The following ESR1 variants were observed in gnomAD, a reference collection of about 807,000 sequenced individuals.
The protein encoded by ESR1 is estrogen receptor.
A neutral mutation model predicts 52.7 loss-of-function variants in ESR1; 12 were observed. That is an observed-to-expected ratio of 0.23 (90% CI 0.15 to 0.37). ESR1 has a LOEUF of 0.37. Among genes scored for constraint, ESR1 ranks in the 10% least tolerant of loss-of-function variants. ESR1 has a pLI of 1.00. For synonymous variants in ESR1, 305 were observed against 316.8 expected, an observed-to-expected ratio of 0.96 and a Z score of 0.39; for missense variants, 584 against 779.7, an observed-to-expected ratio of 0.75 and a Z score of 2.99.
chr6:151,943,518 C>T (rs533649003), intron 3 of ESR1, among the ~76,000 whole-genome samples: 2 of 151,996 alleles, frequency 1.3e-5, no homozygotes, highest in South Asian at 2.1e-4. Flanking sequence ...GCTTAAAATC[C>T]AGTAAATGAC....
At chr6:151,774,442 C>T (rs1179463005) in intron 2 of ESR1, among the ~76,000 whole-genome samples, 1 of 152,232 alleles carries the variant, frequency 6.6e-6, no homozygotes, top group Non-Finnish European at 1.5e-5. Flanking sequence ...GAACAGGTAA[C>T]AGTTTCTGGA....
intron 2 of ESR1, among the ~76,000 whole-genome samples, chr6:151,760,644 C>T (rs1784596131): frequency 1.3e-5 from 2 of 152,184 alleles, no homozygotes; most frequent in Admixed American, 6.5e-5. Context: ...CCTTAATGCT[C>T]TCTGGTAAGA....
chr6:151,878,447 G>C (rs557991958), intron 2 of ESR1, among the ~76,000 whole-genome samples: 2 of 152,142 alleles, frequency 1.3e-5, no homozygotes, highest in Non-Finnish European at 2.9e-5. Flanking sequence ...TCTGAAGCCC[G>C]TGTATACAGT....
intron 3 of ESR1, among the ~76,000 whole-genome samples, chr6:151,938,584 C>T (rs952848373): frequency 5.3e-5 from 8 of 152,094 alleles, no homozygotes; most frequent in East Asian, 1.9e-4. Flanking sequence ...AAGTCCAGGC[C>T]GACTTTGAAG....
intron 1 of ESR1, among the ~76,000 whole-genome samples, chr6:151,663,721 A>G (rs371668371): frequency 6.6e-6 from 1 of 152,098 alleles, no homozygotes; most frequent in East Asian, 1.9e-4. Flanking sequence ...TGGAGGAAAA[A>G]CCTTATACAT....
At chr6:151,683,160 A>T (rs116696006) in intron 1 of ESR1, among the ~76,000 whole-genome samples, 1 of 152,020 alleles carries the variant, frequency 6.6e-6, no homozygotes, top group Middle Eastern at 3.2e-3. Context: ...TTTGTTTTCT[A>T]TGTTTTATCT....
At chr6:151,826,624 C>T (rs905399130) in intron 1 of ESR1, among the ~76,000 whole-genome samples, 3 of 152,190 alleles carry the variant, frequency 2.0e-5, no homozygotes, top group Admixed American at 1.3e-4. Context: ...AGTTTGGCAG[C>T]CTGGTTTACA....
At chr6:152,120,445 C>T (rs897013528) in intron 6 of ESR1, among the ~76,000 whole-genome samples, 5 of 151,966 alleles carry the variant, frequency 3.3e-5, no homozygotes, top group Admixed American at 2.0e-4. Context: ...TAACAGTGGG[C>T]GGGGGGCGAT....
intron 3 of ESR1, among the ~76,000 whole-genome samples, chr6:151,886,052 T>C (rs931364676): frequency 6.6e-6 from 1 of 152,068 alleles, no homozygotes; most frequent in African/African-American, 2.4e-5. Flanking sequence ...GGTTTTTTTT[T>C]TCAGCTGAAA....
intron 3 of ESR1, among the ~76,000 whole-genome samples, chr6:151,919,450 T>C (rs1326892795): frequency 6.6e-6 from 1 of 152,170 alleles, no homozygotes; most frequent in Non-Finnish European, 1.5e-5. Context: ...ACAATAGTGT[T>C]TTTAGTGGTC....
chr6:152,026,384 A>G (rs2044149966), intron 5 of ESR1, among the ~76,000 whole-genome samples: 1 of 152,008 alleles, frequency 6.6e-6, no homozygotes, highest in Non-Finnish European at 1.5e-5. Context: ...TCTAATATCA[A>G]GATCATGACT....
Position 151,718,145 on chromosome 6 carries a change from T to C in ESR1, c.-71+16140T>C, listed in dbSNP as rs147676705. 8.5e-5 allele frequency among the ~76,000 whole-genome samples: 13 copies of C among 152,316 alleles called. No homozygotes were observed. The East Asian group carries it at 2.5e-3, about 29-fold the overall frequency. ...GAAAAATATATGAAAATCTATTCTT[T>C]TCAAATATAAAATGGGAAAATAAAA... On this transcript the variant is annotated intron_variant, in intron 2 of 2. Transcript: ENST00000404742.
intron 6 of ESR1, among the ~76,000 whole-genome samples, chr6:152,121,506 C>G (rs1374840361): frequency 6.6e-6 from 1 of 152,132 alleles, no homozygotes; most frequent in Non-Finnish European, 1.5e-5. Flanking sequence ...AAGGAATCAC[C>G]TGGGGTCTTC....
Position 152,091,724 on chromosome 6 carries a change from G to GCACGGTGTGCCTTCACA in ESR1, c.1370-2659_1370-2643dup, listed in dbSNP as rs1296792868. On this transcript the variant is annotated intron_variant, in intron 6 of 7. Transcript: ENST00000206249. ...GTCTCTTGGGGTCGCTGAGGTCCCA[G>GCACGGTGTGCCTTCACA]CACGGTGTGCCTTCACACCGTGCAA... is the stretch of plus-strand genomic sequence containing the variant. Among the ~76,000 whole-genome samples the GCACGGTGTGCCTTCACA allele has an allele frequency of 2.6e-5, 4 of 152,234 alleles. No individual in the cohort carries two copies. In the East Asian group the frequency reaches 7.7e-4, roughly 29 times the overall value.
intron 6 of ESR1, among the ~76,000 whole-genome samples, chr6:152,065,883 A>G (rs1262872970): frequency 6.6e-6 from 1 of 152,230 alleles, no homozygotes; most frequent in African/African-American, 2.4e-5. Context: ...AATTGGTGGA[A>G]TAATAAAGAG....
intron 6 of ESR1, among the ~76,000 whole-genome samples, chr6:152,116,719 A>G (rs2051214484): frequency 6.6e-6 from 1 of 151,556 alleles, no homozygotes; most frequent in Non-Finnish European, 1.5e-5. Context: ...GTTATAGTAC[A>G]TACTTATATA....
intron 2 of ESR1, among the ~76,000 whole-genome samples, chr6:151,714,672 T>A (rs921297514): frequency 6.6e-6 from 1 of 152,196 alleles, no homozygotes; most frequent in Non-Finnish European, 1.5e-5. Context: ...TGCTTTTTTT[T>A]TGCTCTCCAT....
At chr6:151,703,423 G>A (rs566665976) in intron 2 of ESR1, among the ~76,000 whole-genome samples, 24 of 152,210 alleles carry the variant, frequency 1.6e-4, no homozygotes, top group East Asian at 5.8e-4. Context: ...ACCCCGCCCC[G>A]TGAAACTCCT....
chr6:151,783,110 A>T (rs1786704484), intron 2 of ESR1, among the ~76,000 whole-genome samples: 1 of 152,238 alleles, frequency 6.6e-6, no homozygotes, highest in African/African-American at 2.4e-5. Context: ...GTGTCCCCCA[A>T]GGACACTGCA....
Sources: gnomAD v4.1 joint callset for allele counts (sites outside exome capture counted in the v4.1 genomes callset) on GRCh38, gnomAD v4.1.1 for gene constraint, MANE v1.5 for transcripts, NCBI Gene and HGNC (gene_info 2026-07-23, HGNC 2026-07-21) for gene names.